SKAP2: variants seen among roughly 807,000 people sequenced by gnomAD.
SKAP2 encodes the protein src kinase-associated phosphoprotein 2.
In SKAP2, 28 loss-of-function variants were observed where a neutral mutation model predicts 54.9. The observed-to-expected ratio is 0.51, with a 90% CI of 0.38 to 0.70. SKAP2 has a LOEUF of 0.70. Ranked by LOEUF, SKAP2 falls within the 30% of genes least tolerant of loss-of-function variation. The pLI is 0.00. For missense variants in SKAP2, 356 were observed against 424.1 expected, an observed-to-expected ratio of 0.84 and a Z score of 1.41; for synonymous variants, 137 against 134.3, an observed-to-expected ratio of 1.02 and a Z score of -0.14.
At chr7:26,859,081 CT>C (rs1318785047) in intron 1 of SKAP2, among the ~76,000 whole-genome samples, 1 of 152,098 alleles carries the variant, frequency 6.6e-6, no homozygotes, top group Admixed American at 6.5e-5. Context: ...CCACCATATG[CT>C]TAGCCGCAGA....
intron 4 of SKAP2, among the ~76,000 whole-genome samples, chr7:26,821,710 C>T (rs370217580): frequency 1.3e-5 from 2 of 152,132 alleles, no homozygotes; most frequent in East Asian, 1.9e-4. Flanking sequence ...GATAATATCA[C>T]CTCCCTGAGA....
chr7:26,855,217 A>G (rs1785135896), intron 1 of SKAP2: 1 of 169,244 alleles, frequency 5.9e-6, no homozygotes, highest in Non-Finnish European at 1.3e-5. Context: ...AATTCTTTAT[A>G]TGGAAGCAAG....
At chr7:26,693,597 T>C (rs1040233458) in intron 9 of SKAP2, among the ~76,000 whole-genome samples, 1 of 152,148 alleles carries the variant, frequency 6.6e-6, no homozygotes, top group East Asian at 1.9e-4. Flanking sequence ...AATAATGATA[T>C]TAAAAGTATT....
rs181283868 is a variant in SKAP2 at position 26,790,999 on chromosome 7, A to G, written c.308-51035T>C. Among the ~76,000 whole-genome samples, 28 of 152,238 alleles carry G rather than the reference A, an allele frequency of 1.8e-4. No individual in the cohort carries two copies. In the East Asian group the frequency reaches 5.2e-3, roughly 28 times the overall value. ...AAGAAATATATATAGAACCAGTACA[A>G]TGGTATAACTCTTGAACATCACATT... On this transcript the variant is annotated intron_variant, in intron 4 of 12. Coordinates refer to ENST00000345317, the MANE Select transcript of SKAP2 (RefSeq NM_003930.5).
At chr7:26,702,093 T>C (rs921370746) in intron 9 of SKAP2, among the ~76,000 whole-genome samples, 1 of 152,194 alleles carries the variant, frequency 6.6e-6, no homozygotes, top group Non-Finnish European at 1.5e-5. Context: ...CCTTATTTAT[T>C]TCCTACATCC....
intron 4 of SKAP2, among the ~76,000 whole-genome samples, chr7:26,805,511 T>C (rs1784007727): frequency 6.6e-6 from 1 of 152,084 alleles, no homozygotes; most frequent in African/African-American, 2.4e-5. Flanking sequence ...CATAAAAAAA[T>C]ATATAGCTTC....
chr7:26,864,392 AG>A lies in SKAP2; in HGVS notation c.37del (p.Leu13SerfsTer16). On this transcript the variant is annotated frameshift_variant, in exon 1 of 13. Transcript: ENST00000345317. LOFTEE classifies it high-confidence loss of function. The stretch of plus-strand genomic sequence containing the variant: ...CAACAGGTTCCTAATTTCCTCAGGG[AG>A]GGGGTAGGGAGAGGAGGTGCTGCTG... ...NPSSTSSPYP[L>X]PEEIRNLLAD... The A allele has an allele frequency of 2.5e-6, 4 of 1,612,080 alleles. No individual in the cohort carries two copies. Among genetic ancestry groups the A allele is most frequent in the Non-Finnish European group, 2.5e-6 (3 of 1,179,188 alleles).
At chr7:26,772,809 A>C (rs5012512) in intron 4 of SKAP2, among the ~76,000 whole-genome samples, 73,118 of 152,056 alleles carry the variant, frequency 0.48, 18,842 homozygotes, top group African/African-American at 0.65. Flanking sequence ...TAATTGGTGG[A>C]AGTTATAAAA....
At chr7:26,807,873 C>T (rs1312363836) in intron 4 of SKAP2, among the ~76,000 whole-genome samples, 1 of 67,304 alleles carries the variant, frequency 1.5e-5, no homozygotes, top group African/African-American at 4.0e-5. Context: ...TGATTGTTAG[C>T]ACTTTTTTTA....
intron 11 of SKAP2, among the ~76,000 whole-genome samples, chr7:26,682,752 C>A (rs898113169): frequency 3.9e-5 from 6 of 152,172 alleles, no homozygotes; most frequent in Non-Finnish European, 5.9e-5. Flanking sequence ...GGCTGGAACA[C>A]CTTTAACCTT....
chr7:26,804,997 G>C (rs2769365), intron 4 of SKAP2, among the ~76,000 whole-genome samples: 79,049 of 151,868 alleles, frequency 0.52, 21,207 homozygotes, highest in East Asian at 0.86. Flanking sequence ...TCCAGAATAT[G>C]ATGTCTAATA....
rs538904200 is a variant in SKAP2 at position 26,804,225 on chromosome 7, C to G, written c.307+39805G>C. 2.0e-4 allele frequency among the ~76,000 whole-genome samples: 31 copies of G among 151,962 alleles called. No homozygotes were observed. The South Asian group carries it at 6.2e-3, about 31-fold the overall frequency. ...GCCCGTATCAAAATGTCTTATGTACCCCATAAATGTATACATCTACTATAT... is the reference window on the plus strand; with the variant it reads ...GCCCGTATCAAAATGTCTTATGTACGCCATAAATGTATACATCTACTATAT... On this transcript the variant is annotated intron_variant, in intron 4 of 12. Transcript: ENST00000345317.
At chr7:26,735,610 G>C (rs1427257608) in intron 6 of SKAP2, among the ~76,000 whole-genome samples, 1 of 152,150 alleles carries the variant, frequency 6.6e-6, no homozygotes, top group Non-Finnish European at 1.5e-5. Context: ...CTAGTAAGTG[G>C]TGTCAACTCC....
In SKAP2 at chr7:26,727,005, G is replaced by A. The variant is rs1323653324; in HGVS notation, c.471C>T (p.Asp157=). 5.0e-6 allele frequency: 8 copies of A among 1,594,678 alleles called. No individual in the cohort carries two copies. In the Admixed American group the frequency reaches 5.3e-5, roughly 11 times the overall value. ...TTGCAAATTCACCTTTCTGTTGTTT[G>A]TCTGTTGAAGATAAAACCAGTTAGA... The part of the protein sequence containing the change: ...TVFYYYGSDK[D]KQQKGEFAID... The change falls in exon 7 of 13, where the codon GAC becomes GAT. Residue 157 remains aspartate (D), a splice_region_variant and synonymous_variant. Coordinates refer to ENST00000345317, the MANE Select transcript of SKAP2 (RefSeq NM_003930.5).
At chr7:26,725,788 G>T (rs1231999066) in intron 8 of SKAP2, 135 bp downstream of exon 8, 3 of 818,414 alleles carry the variant, frequency 3.7e-6, no homozygotes, top group Non-Finnish European at 5.8e-6. Flanking sequence ...GAAGTGAGTG[G>T]TCTGTATTAA....
intron 4 of SKAP2, among the ~76,000 whole-genome samples, chr7:26,811,185 A>G (rs1465455239): frequency 1.3e-5 from 2 of 151,874 alleles, no homozygotes; most frequent in Admixed American, 6.6e-5. Flanking sequence ...GGCTTTGGAG[A>G]AAAAAAAGAC....
In SKAP2 at chr7:26,804,229, T is replaced by A. The variant is rs151237612; in HGVS notation, c.307+39801A>T. On this transcript the variant is annotated intron_variant, in intron 4 of 12. Coordinates refer to ENST00000345317, the MANE Select transcript of SKAP2 (RefSeq NM_003930.5). Reference sequence around the variant, plus strand: ...GTATCAAAATGTCTTATGTACCCCATAAATGTATACATCTACTATATACCC... The same window carrying A: ...GTATCAAAATGTCTTATGTACCCCAAAAATGTATACATCTACTATATACCC... 3.4e-3 allele frequency among the ~76,000 whole-genome samples: 514 copies of A among 152,294 alleles called. 3 individuals are homozygous for A. Among genetic ancestry groups the A allele is most frequent in the African/African-American group, 0.012 (493 of 41,560 alleles).
chr7:26,757,254 A>C (rs1039071849), intron 4 of SKAP2, among the ~76,000 whole-genome samples: 1 of 152,130 alleles, frequency 6.6e-6, no homozygotes, highest in African/African-American at 2.4e-5. Context: ...GCCCATGCCT[A>C]TGTCCTGAAT....
rs535356501 is a variant in SKAP2, at chr7:26,730,484, T to C, written c.470-3478A>G. ...TTCTAAAATATATACTTGCCTAACT[T>C]CTCAAACAAATCTTTTAAACATAAC... On this transcript the variant is annotated intron_variant, in intron 6 of 12. Transcript: ENST00000345317. Among the ~76,000 whole-genome samples, 12 of 152,302 alleles carry C rather than the reference T, an allele frequency of 7.9e-5. No homozygotes were observed. The South Asian group carries it at 2.5e-3, about 32-fold the overall frequency.
Sources: allele counts gnomAD v4.1 joint callset (sites outside exome capture counted in the v4.1 genomes callset), GRCh38; gene constraint gnomAD v4.1.1; transcripts MANE v1.5; gene names NCBI Gene and HGNC (gene_info 2026-07-23, HGNC 2026-07-21).